Variants in PDPK1 observed in about 807,000 individuals in gnomAD.
The protein encoded by PDPK1 is 3-phosphoinositide dependent protein kinase 1.
In PDPK1, 7 loss-of-function variants were observed where a neutral mutation model predicts 39.8. That is an observed-to-expected ratio of 0.18 (90% CI 0.10 to 0.33). PDPK1 has a LOEUF of 0.33. PDPK1 is among the 10% of genes least tolerant of loss of function. The pLI, the probability that PDPK1 is intolerant of heterozygous loss-of-function variation, is 1.00. For missense variants in PDPK1, 182 were observed against 384.7 expected (o/e 0.47, Z 4.41); for synonymous variants, 118 against 159.1 (o/e 0.74, Z 1.95).
At position 2,598,002 on chromosome 16, in the gene PDPK1, C is replaced by G. The variant is rs2067137929; in HGVS notation, c.*235C>G. 3.6e-6 allele frequency: 2 copies of G among 551,632 alleles called. No individual in the cohort carries two copies. The highest frequency in any genetic ancestry group is 6.5e-6 in the Non-Finnish European group (2 of 308,842). 34.2% of individuals were successfully genotyped at this position (551,632 alleles called of 1,614,324 possible). A position where few individuals can be genotyped will look rare whatever the true frequency, so the allele number is the denominator to read the frequency against. On this transcript the variant is annotated 3_prime_UTR_variant, in exon 14 of 14. Transcript: ENST00000342085. ...AGGGTCGCTTTGCTTGCTCTCTGTGCTCCGTGGAGGCCTCCGTGTGCCCTC... is the reference window on the plus strand; with the variant it reads ...AGGGTCGCTTTGCTTGCTCTCTGTGGTCCGTGGAGGCCTCCGTGTGCCCTC...
chr16:2,585,061 G>A (rs1345473720), intron 10 of PDPK1, among the ~76,000 whole-genome samples: 4 of 152,240 alleles, frequency 2.6e-5, no homozygotes. Context: ...TCCCAGGGAG[G>A]TAGCTGGGCT....
chr16:2,585,959 G>C (rs956977566), intron 10 of PDPK1, among the ~76,000 whole-genome samples: 3 of 152,204 alleles, frequency 2.0e-5, no homozygotes, highest in African/African-American at 7.2e-5. Context: ...CTCAGATGTG[G>C]GGCCTGCAGC....
In PDPK1 at chr16:2,599,742, C is replaced by T. The variant is rs1321134921; in HGVS notation, c.*1975C>T. The stretch of plus-strand genomic sequence containing the variant: ...ATCAGCTATTTTACCCATCTCAGAA[C>T]GTCCTGTGTCTCCATGTAGGAGAGT... On this transcript the variant is annotated 3_prime_UTR_variant, in exon 14 of 14. Coordinates refer to ENST00000342085, the MANE Select transcript of PDPK1 (RefSeq NM_002613.5). 19 of 233,620 alleles carry T rather than the reference C, an allele frequency of 8.1e-5. No individual in the cohort carries two copies. Among genetic ancestry groups the T allele is most frequent in the South Asian group, 1.8e-4 (1 of 5,538 alleles). The allele number at this position is 233,620 out of a possible 1,614,324, so 14.5% of individuals were successfully genotyped here. A position where few individuals can be genotyped will look rare whatever the true frequency, so the allele number is the denominator to read the frequency against.
In PDPK1 at chr16:2,597,284, G is replaced by A. The variant is rs555913218; in HGVS notation, c.1554+9G>A. On this transcript the variant is annotated intron_variant, in intron 13 of 13. Transcript: ENST00000342085. The surrounding 1 kb of genome is among the most constrained non-coding windows in gnomAD (Gnocchi z 6.3). Reference sequence around the variant, plus strand: ...CTTTCTTTGTCCACACGGTGAGTCTGTTCCCAGGGATTTCTGTGTGCAGGG... The same window carrying A: ...CTTTCTTTGTCCACACGGTGAGTCTATTCCCAGGGATTTCTGTGTGCAGGG... The A allele has an allele frequency of 1.1e-4, 165 of 1,570,988 alleles. No homozygotes were observed. The highest frequency in any genetic ancestry group is 9.0e-4 in the South Asian group (79 of 87,410).
chr16:2,542,672 C>G (rs1180240009), intron 1 of PDPK1, among the ~76,000 whole-genome samples: 1 of 152,278 alleles, frequency 6.6e-6, no homozygotes, highest in Non-Finnish European at 1.5e-5. Context: ...CGTCATTCCA[C>G]AGACAAGATC....
In PDPK1 at chr16:2,598,307, C is replaced by T. The variant is rs375417064; in HGVS notation, c.*540C>T. 9 of 232,904 alleles carry T rather than the reference C, an allele frequency of 3.9e-5. No homozygotes were observed. Among genetic ancestry groups the T allele is most frequent in the Admixed American group, 2.3e-4 (4 of 17,712 alleles). 14.4% of individuals were successfully genotyped at this position (232,904 alleles called of 1,614,324 possible). A position where few individuals can be genotyped will look rare whatever the true frequency, so the allele number is the denominator to read the frequency against. On this transcript the variant is annotated 3_prime_UTR_variant, in exon 14 of 14. Transcript: ENST00000342085. The stretch of plus-strand genomic sequence containing the variant: ...CTTCTGTCACCTGCTCCCTTTCTTG[C>T]GTCTCCCTGTGATGGGCCCTTAGGC...
intron 7 of PDPK1, among the ~76,000 whole-genome samples, chr16:2,577,849 C>T (rs1296787056): frequency 2.7e-5 from 4 of 149,274 alleles, no homozygotes; most frequent in Non-Finnish European, 5.9e-5. Flanking sequence ...AGCAATTCTC[C>T]TGCCTCAGCC....
chr16:2,598,870 T>C lies in PDPK1; in HGVS notation c.*1103T>C, dbSNP rs971617621. On this transcript the variant is annotated 3_prime_UTR_variant, in exon 14 of 14. Transcript: ENST00000342085. ...CCTTTTGTGTTTTGGTTCAAGTTTC[T>C]CAGAGCCCCTCAGAGCTTCTACATC... The C allele has an allele frequency of 4.3e-6, 1 of 233,352 alleles. No individual in the cohort carries two copies. Among genetic ancestry groups the C allele is most frequent in the Non-Finnish European group, 8.5e-6 (1 of 118,098 alleles). The allele number at this position is 233,352 out of a possible 1,614,324, so 14.5% of individuals were successfully genotyped here. A position where few individuals can be genotyped will look rare whatever the true frequency, so the allele number is the denominator to read the frequency against.
At chr16:2,594,171 G>C (rs1204885699) in intron 11 of PDPK1, 1 of 152,386 alleles carries the variant, frequency 6.6e-6, no homozygotes, top group Non-Finnish European at 1.5e-5. Context: ...CACAAGTGCT[G>C]TTGGCCCTGT....
chr16:2,595,016 G>A (rs1387487708), intron 11 of PDPK1, among the ~76,000 whole-genome samples: 3 of 152,124 alleles, frequency 2.0e-5, no homozygotes, highest in African/African-American at 4.8e-5. Flanking sequence ...CCAGCTATTC[G>A]GGAGGCTGAG....
intron 11 of PDPK1, chr16:2,592,908 C>T (rs1424789487): frequency 4.4e-6 from 2 of 456,606 alleles, no homozygotes; most frequent in Non-Finnish European, 4.4e-6. Flanking sequence ...TCCGTGGGGC[C>T]CTTGCCTGCC....
chr16:2,539,376 G>C (rs537177477), intron 1 of PDPK1: 1 of 152,284 alleles, frequency 6.6e-6, no homozygotes, highest in African/African-American at 2.4e-5. Context: ...CACCACGCCC[G>C]GCAGATGTGG....
At position 2,597,167 on chromosome 16, in the gene PDPK1, A is replaced by G. The variant is rs2067120355; in HGVS notation, c.1446A>G (p.Pro482=). The G allele has an allele frequency of 6.3e-7, 1 of 1,575,614 alleles. No individual in the cohort carries two copies. Among genetic ancestry groups the G allele is most frequent in the South Asian group, 1.1e-5 (1 of 88,028 alleles). ...GACAGCTGTTGCTCACAGAAGGACC[A>G]CATTTATATTATGTGGATCCTGTCA... The part of the protein sequence containing the change: ...RRRQLLLTEG[P]HLYYVDPVNK... Residue 482 remains proline (P), a synonymous_variant, in exon 13 of 14, where the codon CCA becomes CCG. Coordinates refer to ENST00000342085, the MANE Select transcript of PDPK1 (RefSeq NM_002613.5). The surrounding 1 kb of genome is among the most constrained non-coding windows in gnomAD (Gnocchi z 6.3).
chr16:2,602,573 T>G lies in PDPK1; in HGVS notation c.*4806T>G, dbSNP rs1280380629. ...GAATGACTACGAATAGGGGTCATTG[T>G]GCTGGTAAAAGCCTCTATTACGACT... is the stretch of plus-strand genomic sequence containing the variant. On this transcript the variant is annotated 3_prime_UTR_variant, in exon 14 of 14. Coordinates refer to ENST00000342085, the MANE Select transcript of PDPK1 (RefSeq NM_002613.5). The G allele has an allele frequency of 4.3e-6, 1 of 234,756 alleles. No individual in the cohort carries two copies. Among genetic ancestry groups the G allele is most frequent in the Non-Finnish European group, 8.5e-6 (1 of 118,096 alleles). 14.5% of individuals were successfully genotyped at this position (234,756 alleles called of 1,614,324 possible). A position where few individuals can be genotyped will look rare whatever the true frequency, so the allele number is the denominator to read the frequency against.
At chr16:2,588,052 G>A (rs2066913478) in intron 11 of PDPK1, among the ~76,000 whole-genome samples, 1 of 152,266 alleles carries the variant, frequency 6.6e-6, no homozygotes, top group African/African-American at 2.4e-5. Flanking sequence ...GGCCTGGCTA[G>A]GCAGGGACAG....
At chr16:2,587,772 A>C (rs1045055031) in intron 11 of PDPK1, among the ~76,000 whole-genome samples, 1 of 152,202 alleles carries the variant, frequency 6.6e-6, no homozygotes, top group East Asian at 1.9e-4. Flanking sequence ...TATGGAGACT[A>C]TTCCTTGTTG....
At chr16:2,576,817 G>A (rs558117752) in intron 6 of PDPK1, 2,163 of 187,254 alleles carry the variant, frequency 0.012, 50 homozygotes, top group Non-Finnish European at 0.017. Context: ...TTGAGTCCCC[G>A]CAGCAGAGGC....
intron 7 of PDPK1, among the ~76,000 whole-genome samples, chr16:2,578,243 G>A (rs1438119942): frequency 3.5e-5 from 5 of 144,798 alleles, no homozygotes; most frequent in African/African-American, 1.4e-4. Context: ...GAGGGAGGAG[G>A]CGTCCAGCAG....
Position 2,599,155 on chromosome 16 carries a change from GTGGCC to G in PDPK1, c.*1393_*1397del, listed in dbSNP as rs1203963802. ...ACTCCCCAGGTAGAGAGTGCTCCTG[GTGGCC>G]TGGCAGGTCTGGGCCCTTCTCTCCC... On this transcript the variant is annotated 3_prime_UTR_variant, in exon 14 of 14. Transcript: ENST00000342085. 2 of 233,362 alleles carry G rather than the reference GTGGCC, an allele frequency of 8.6e-6. No homozygotes were observed. Among genetic ancestry groups the G allele is most frequent in the Non-Finnish European group, 1.7e-5 (2 of 118,194 alleles). The allele number at this position is 233,362 out of a possible 1,614,324, so 14.5% of individuals were successfully genotyped here.
Sources: allele counts gnomAD v4.1 joint callset (sites outside exome capture counted in the v4.1 genomes callset), GRCh38; gene constraint gnomAD v4.1.1; non-coding constraint Gnocchi (gnomAD v3.1); transcripts MANE v1.5; gene names NCBI Gene and HGNC (gene_info 2026-07-23, HGNC 2026-07-21).